The following BCHE variants were observed in gnomAD, a reference collection of about 807,000 sequenced individuals.
BCHE encodes the protein butyrylcholinesterase.
Under a neutral mutation model 51.3 loss-of-function variants are expected in BCHE, and 48 were observed. The ratio of observed to expected loss-of-function variants is 0.94; its 90% confidence interval spans 0.74 to 1.19. BCHE has a LOEUF of 1.19. Among genes scored for constraint, BCHE ranks in the 50% most tolerant of loss-of-function variants. The pLI is 0.00. For missense variants in BCHE, 847 were observed against 708.2 expected, an observed-to-expected ratio of 1.20 and a Z score of -2.23; for synonymous variants, 251 against 238.0, an observed-to-expected ratio of 1.05 and a Z score of -0.50.
At chr3:165,804,877 T>A (rs1439487970) in intron 2 of BCHE, among the ~76,000 whole-genome samples, 1 of 152,192 alleles carries the variant, frequency 6.6e-6, no homozygotes, top group African/African-American at 2.4e-5. Context: ...AGCAATCACA[T>A]ATTTAAACAT....
intron 2 of BCHE, among the ~76,000 whole-genome samples, chr3:165,824,436 A>G (rs187303918): frequency 1.8e-4 from 27 of 152,152 alleles, no homozygotes; most frequent in African/African-American, 6.3e-4. Context: ...GAAGGGCAAA[A>G]CTATAGTTAA....
At chr3:165,836,858 G>A (rs553528432) in intron 1 of BCHE, among the ~76,000 whole-genome samples, 393 of 151,976 alleles carry the variant, frequency 2.6e-3, no homozygotes, top group Non-Finnish European at 4.5e-3. Context: ...ATTGAGAAAA[G>A]TATTTTGTTC....
At chr3:165,797,701 G>T (rs1325937769) in intron 2 of BCHE, among the ~76,000 whole-genome samples, 1 of 151,862 alleles carries the variant, frequency 6.6e-6, no homozygotes, top group Non-Finnish European at 1.5e-5. Context: ...AAATTCTATC[G>T]GTTTTGCTCT....
chr3:165,784,849 A>T (rs3796266), intron 3 of BCHE, among the ~76,000 whole-genome samples: 1 of 151,732 alleles, frequency 6.6e-6, no homozygotes, highest in Non-Finnish European at 1.5e-5. Context: ...ATAAAGATTA[A>T]TAATATATAG....
At chr3:165,783,417 A>T (rs528307455) in intron 3 of BCHE, among the ~76,000 whole-genome samples, 17 of 152,214 alleles carry the variant, frequency 1.1e-4, no homozygotes, top group African/African-American at 4.1e-4. Context: ...GCTTTTAATG[A>T]GGAATTGATA....
At chr3:165,834,297 T>C (rs1277696999) in intron 1 of BCHE, among the ~76,000 whole-genome samples, 1 of 152,130 alleles carries the variant, frequency 6.6e-6, no homozygotes, top group African/African-American at 2.4e-5. Flanking sequence ...AATAATATGG[T>C]ATGAATTAAA....
chr3:165,777,287 G>A (rs144150138), intron 3 of BCHE, among the ~76,000 whole-genome samples: 264 of 151,844 alleles, frequency 1.7e-3, no homozygotes, highest in African/African-American at 6.2e-3. Context: ...GAATACAGTT[G>A]ATTTAAAACA....
chr3:165,836,492 CAATG>C (rs1715193995), intron 1 of BCHE, among the ~76,000 whole-genome samples: 1 of 151,714 alleles, frequency 6.6e-6, no homozygotes, highest in East Asian at 1.9e-4. Context: ...AAATCATAAA[CAATG>C]AAATCACATT....
At chr3:165,801,033 G>A (rs538122623) in intron 2 of BCHE, among the ~76,000 whole-genome samples, 63 of 152,266 alleles carry the variant, frequency 4.1e-4, no homozygotes, top group African/African-American at 1.4e-3. Flanking sequence ...CTGAAGAAGG[G>A]TATTGAAAGC....
intron 2 of BCHE, among the ~76,000 whole-genome samples, chr3:165,827,217 A>G (rs916123377): frequency 6.6e-6 from 1 of 152,072 alleles, no homozygotes. Flanking sequence ...CTTGACATCA[A>G]ATCAACCCTT....
At chr3:165,831,459 T>G (rs1560024090) in intron 1 of BCHE, among the ~76,000 whole-genome samples, 1 of 152,188 alleles carries the variant, frequency 6.6e-6, no homozygotes, top group Non-Finnish European at 1.5e-5. Context: ...ATATATTCTC[T>G]GAAATATCAT....
chr3:165,823,503 G>A (rs1714605350), intron 2 of BCHE, among the ~76,000 whole-genome samples: 1 of 151,962 alleles, frequency 6.6e-6, no homozygotes, highest in South Asian at 2.1e-4. Context: ...TTAAGAAAAG[G>A]GGAATGCCAA....
intron 3 of BCHE, among the ~76,000 whole-genome samples, chr3:165,775,034 T>A (rs1221601214): frequency 6.6e-6 from 1 of 152,148 alleles, no homozygotes; most frequent in Non-Finnish European, 1.5e-5. Flanking sequence ...GTCATTAAAC[T>A]AACAAAAAAT....
intron 3 of BCHE, among the ~76,000 whole-genome samples, chr3:165,784,903 A>G (rs1439429223): frequency 1.3e-5 from 2 of 151,792 alleles, no homozygotes; most frequent in East Asian, 1.9e-4. Context: ...GTCTCTTGGC[A>G]TATTAATGAG....
chr3:165,808,894 G>A (rs1026280516), intron 2 of BCHE, among the ~76,000 whole-genome samples: 1 of 151,936 alleles, frequency 6.6e-6, no homozygotes, highest in African/African-American at 2.4e-5. Flanking sequence ...CAAAACACGG[G>A]CATATACTGC....
In BCHE at chr3:165,829,688, A is replaced by T; in HGVS notation, c.1346T>A (p.Phe449Tyr). Residue 449 changes from phenylalanine to tyrosine, a missense_variant, in exon 2 of 4, where the codon TTT (phenylalanine) becomes TAT (tyrosine). Phe to Tyr is a conservative substitution (Grantham distance 22, BLOSUM62 3). Coordinates refer to ENST00000264381, the MANE Select transcript of BCHE (RefSeq NM_000055.4). The part of the protein sequence containing the change: ...EWGNNAFFYY[F>Y]EHRSSKLPWP... Reference sequence around the variant, plus strand: ...CGGAAGTTTGGAGGATCGGTGTTCAAAATAGTAGAAAAAGGCATTATTTCC... The same window carrying T: ...CGGAAGTTTGGAGGATCGGTGTTCATAATAGTAGAAAAAGGCATTATTTCC... 1 of 1,613,920 alleles carries T rather than the reference A, an allele frequency of 6.2e-7. No homozygotes were observed. Among genetic ancestry groups the T allele is most frequent in the East Asian group, 2.2e-5 (1 of 44,874 alleles).
At chr3:165,812,719 A>C (rs945317058) in intron 2 of BCHE, among the ~76,000 whole-genome samples, 2 of 151,984 alleles carry the variant, frequency 1.3e-5, no homozygotes, top group African/African-American at 4.8e-5. Context: ...TTAATGTGGT[A>C]GTTTCTCATA....
rs149908659 is a variant in BCHE at position 165,811,908 on chromosome 3, C to T, written c.1517+17609G>A. 1.7e-3 allele frequency among the ~76,000 whole-genome samples: 257 copies of T among 151,982 alleles called. 1 individual carries two copies. Among genetic ancestry groups the T allele is most frequent in the African/African-American group, 5.9e-3 (243 of 41,504 alleles). ...TCAGAAAGACTTGGATACAGAAGCC[C>T]ATTTCAAAGCATATCTAGCCTTTTG... On this transcript the variant is annotated intron_variant, in intron 2 of 3. Coordinates refer to ENST00000264381, the MANE Select transcript of BCHE (RefSeq NM_000055.4).
intron 2 of BCHE, among the ~76,000 whole-genome samples, chr3:165,822,881 C>T (rs1330904914): frequency 6.6e-6 from 1 of 152,064 alleles, no homozygotes; most frequent in Non-Finnish European, 1.5e-5. Context: ...GTATTGACAA[C>T]ATTTCATTAA....
Sources: allele counts gnomAD v4.1 joint callset (sites outside exome capture counted in the v4.1 genomes callset), GRCh38; gene constraint gnomAD v4.1.1; transcripts MANE v1.5; gene names NCBI Gene and HGNC (gene_info 2026-07-23, HGNC 2026-07-21).